Variants in RFC3 observed in about 807,000 individuals in gnomAD.
The protein encoded by RFC3 is replication factor C subunit 3.
Under a neutral mutation model 45.1 loss-of-function variants are expected in RFC3, and 41 were observed. That is an observed-to-expected ratio of 0.91 (90% CI 0.71 to 1.18). The LOEUF (loss-of-function observed/expected upper bound fraction) is 1.18, where lower values mean the gene tolerates loss of function less well. RFC3 is among the 50% of genes most tolerant of loss of function. The pLI, the probability that RFC3 is intolerant of heterozygous loss-of-function variation, is 0.00. For synonymous variants in RFC3, 149 were observed against 144.0 expected (o/e 1.03, Z -0.25); for missense variants, 423 against 428.1 (o/e 0.99, Z 0.10).
At chr13:33,844,042 T>C (rs2082219459) in intron 8 of RFC3, among the ~76,000 whole-genome samples, 1 of 152,240 alleles carries the variant, frequency 6.6e-6, no homozygotes, top group Non-Finnish European at 1.5e-5. Flanking sequence ...TCTTTTTCTT[T>C]TGATGATTAA....
chr13:33,886,683 T>G (rs1375972640), intron 8 of RFC3, among the ~76,000 whole-genome samples: 5 of 151,218 alleles, frequency 3.3e-5, no homozygotes, highest in Non-Finnish European at 5.9e-5. Flanking sequence ...GTGCACAATG[T>G]GCAGGTTAGT....
intron 4 of RFC3, among the ~76,000 whole-genome samples, chr13:33,826,876 A>C (rs916758292): frequency 6.6e-6 from 1 of 152,142 alleles, no homozygotes; most frequent in Non-Finnish European, 1.5e-5. Flanking sequence ...ATAGTAATAG[A>C]GATAGCAGAT....
At chr13:33,943,079 CA>C (rs2082934716) in intron 8 of RFC3, among the ~76,000 whole-genome samples, 1 of 152,016 alleles carries the variant, frequency 6.6e-6, no homozygotes, top group South Asian at 2.1e-4. Flanking sequence ...AGGCCTTTAA[CA>C]AAAAATAGCA....
intron 8 of RFC3, among the ~76,000 whole-genome samples, chr13:33,880,350 G>A (rs1326478833): frequency 2.0e-5 from 3 of 152,152 alleles, no homozygotes; most frequent in Admixed American, 2.0e-4. Context: ...GATGTAAGGT[G>A]CCCATTGAGA....
chr13:33,839,734 A>C (rs1045569210), downstream of RFC3, among the ~76,000 whole-genome samples: 3 of 152,212 alleles, frequency 2.0e-5, no homozygotes, highest in Non-Finnish European at 4.4e-5. Flanking sequence ...TCAGTCTGGC[A>C]TCATTTATTT....
At position 33,821,273 on chromosome 13, in the gene RFC3, A is replaced by G; in HGVS notation, c.225+4A>G. 1 of 1,613,030 alleles carries G rather than the reference A, an allele frequency of 6.2e-7. No homozygotes were observed. The highest frequency in any genetic ancestry group is 1.1e-5 in the South Asian group (1 of 91,052). ...AATTGAACATCAGACCATCACAGTA[A>G]GCATTTCACTTTGAGGCCCTGAAAG... On this transcript the variant is annotated splice_donor_region_variant and intron_variant, in intron 2 of 8. Transcript: ENST00000380071.
In RFC3 at chr13:33,927,095, C is replaced by T. The variant is rs144588255; in HGVS notation, c.880-38992C>T. 5.9e-4 allele frequency among the ~76,000 whole-genome samples: 90 copies of T among 151,866 alleles called. 1 individual carries two copies. The East Asian group carries it at 0.016, about 27-fold the overall frequency. ...CCTGACCTCATTCTTGAAATCTCACCCAATCCTTGACCTTCCCTGGCAAAG... is the reference window on the plus strand; with the variant it reads ...CCTGACCTCATTCTTGAAATCTCACTCAATCCTTGACCTTCCCTGGCAAAG... On this transcript the variant is annotated intron_variant, in intron 8 of 8. Transcript: ENST00000434425.
Position 33,836,141 on chromosome 13 carries a change from A to T in RFC3, c.917A>T (p.Gln306Leu), listed in dbSNP as rs770158720. Residue 306 changes from glutamine to leucine, a missense_variant, in exon 9 of 9, where the codon CAA becomes CTA. By Grantham distance (113) the Gln-to-Leu change is moderately radical (BLOSUM62 -2). Coordinates refer to ENST00000380071, the MANE Select transcript of RFC3 (RefSeq NM_002915.4). ...LSELLHNCDGQLKGEVAQMAA... is the reference protein window; with the variant it reads ...LSELLHNCDGLLKGEVAQMAA... ...GAACTGTTACATAATTGTGATGGACAACTGAAAGGGGAGGTGGCACAAATG... is the reference window on the plus strand; with the variant it reads ...GAACTGTTACATAATTGTGATGGACTACTGAAAGGGGAGGTGGCACAAATG... The T allele has an allele frequency of 1.4e-5, 22 of 1,613,022 alleles. No individual in the cohort carries two copies. Among genetic ancestry groups the T allele is most frequent in the Non-Finnish European group, 9.3e-6 (11 of 1,179,274 alleles).
At position 33,910,799 on chromosome 13, in the gene RFC3, A is replaced by G. The variant is rs190117672; in HGVS notation, c.880-55288A>G. ...TTCCACAGGCTGTACAGGAATCATG[A>G]TGCTGGCATCTGCTCAGCTTCTGGG... On this transcript the variant is annotated intron_variant, in intron 8 of 8. Coordinates refer to the RFC3 transcript ENST00000434425. Among the ~76,000 whole-genome samples the G allele has an allele frequency of 5.9e-5, 9 of 152,222 alleles. No individual in the cohort carries two copies. In the East Asian group the frequency reaches 1.7e-3, roughly 30 times the overall value.
chr13:33,923,903 C>T (rs576998542), intron 8 of RFC3, among the ~76,000 whole-genome samples: 75 of 152,216 alleles, frequency 4.9e-4, no homozygotes, highest in Admixed American at 1.0e-3. Context: ...GAGAAAGTCA[C>T]TTGTGGGACT....
chr13:33,871,760 A>C (rs974099468), intron 8 of RFC3, among the ~76,000 whole-genome samples: 1 of 152,198 alleles, frequency 6.6e-6, no homozygotes. Flanking sequence ...AGTAACATTT[A>C]TGTAACATTG....
At chr13:33,909,307 G>A (rs2082690381) in intron 8 of RFC3, among the ~76,000 whole-genome samples, 1 of 151,964 alleles carries the variant, frequency 6.6e-6, no homozygotes, top group Non-Finnish European at 1.5e-5. Flanking sequence ...GGGCCTCTGA[G>A]GTAATGAGAG....
chr13:33,974,237 C>T, the RFC3 span, among the ~76,000 whole-genome samples: 1 of 151,932 alleles, frequency 6.6e-6, no homozygotes, highest in African/African-American at 2.4e-5. Context: ...TAAGTTAGCA[C>T]ATGATATGCT....
chr13:33,840,869 G>T (rs2183282), downstream of RFC3, among the ~76,000 whole-genome samples: 134,402 of 152,206 alleles, frequency 0.88, 59,705 homozygotes, highest in Non-Finnish European at 0.94. Context: ...TACAAATCTA[G>T]TACAAAAAGT....
chr13:33,827,216 G>A (rs1471906672), intron 4 of RFC3, among the ~76,000 whole-genome samples: 2 of 152,172 alleles, frequency 1.3e-5, no homozygotes, highest in Non-Finnish European at 1.5e-5. Flanking sequence ...TTGAGCCCAG[G>A]AATTCAAGGT....
chr13:33,857,691 T>G (rs2082316650), intron 8 of RFC3, among the ~76,000 whole-genome samples: 1 of 152,228 alleles, frequency 6.6e-6, no homozygotes, highest in Non-Finnish European at 1.5e-5. Context: ...GGTAACCTTT[T>G]CAGAGTCCTT....
downstream of RFC3, among the ~76,000 whole-genome samples, chr13:33,840,416 AGTCT>A (rs1688859143): frequency 6.6e-6 from 1 of 151,984 alleles, no homozygotes. Flanking sequence ...GCTCTTCTGA[AGTCT>A]GTCTGCTTAT....
chr13:33,941,216 G>A (rs866960493), intron 8 of RFC3, among the ~76,000 whole-genome samples: 9 of 152,120 alleles, frequency 5.9e-5, no homozygotes, highest in South Asian at 2.1e-4. Flanking sequence ...GCAGGACTCC[G>A]TCTCACTTTC....
rs2082161209 is a variant in RFC3 at position 33,837,003 on chromosome 13, G to T, written c.*708G>T. On this transcript the variant is annotated 3_prime_UTR_variant, in exon 9 of 9. Coordinates refer to ENST00000380071, the MANE Select transcript of RFC3 (RefSeq NM_002915.4). ...GGTTTTGTGTTTTGTCATTAGCTCT[G>T]CCCTTTTTAATTAAATATTTTGGTT... The T allele has an allele frequency of 6.1e-6, 6 of 984,554 alleles. No homozygotes were observed. The highest frequency in any genetic ancestry group is 7.2e-6 in the Non-Finnish European group (6 of 829,216). 61.0% of individuals were successfully genotyped at this position (984,554 alleles called of 1,614,324 possible).
Sources: gnomAD v4.1 joint callset for allele counts (sites outside exome capture counted in the v4.1 genomes callset) on GRCh38, gnomAD v4.1.1 for gene constraint, MANE v1.5 for transcripts, NCBI Gene and HGNC (gene_info 2026-07-23, HGNC 2026-07-21) for gene names.